The following ELF2 variants were observed in gnomAD, a reference collection of about 807,000 sequenced individuals.
The protein encoded by ELF2 is E74 like ETS transcription factor 2, also known as ETS-related transcription factor Elf-2.
A neutral mutation model predicts 54.8 loss-of-function variants in ELF2; 11 were observed. The ratio of observed to expected loss-of-function variants is 0.20; its 90% CI spans 0.13 to 0.33. ELF2 has a LOEUF of 0.33. ELF2 is among the 10% of genes least tolerant of loss of function. The pLI is 1.00. For synonymous variants in ELF2, 203 were observed against 245.1 expected (o/e 0.83, Z 1.61); for missense variants, 513 against 703.0 (o/e 0.73, Z 3.06).
rs559858763 is a variant in ELF2 at position 139,098,469 on chromosome 4, CTTTT to C, written c.239-24906_239-24903del. Among the ~76,000 whole-genome samples, 67 of 140,160 alleles carry C rather than the reference CTTTT, an allele frequency of 4.8e-4. No individual in the cohort carries two copies. The South Asian group carries it at 0.015, about 32-fold the overall frequency. 92.0% of individuals were successfully genotyped at this position (140,160 alleles called of 152,430 possible). A position where few individuals can be genotyped will look rare whatever the true frequency, so the allele number is the denominator to read the frequency against. ...TAAACAGATTTCTCTATTTTTAAAA[CTTTT>C]TTTTTTTTTTTTTGAGACAGAGCTT... On this transcript the variant is annotated intron_variant, in intron 4 of 9. Transcript: ENST00000686138.
At chr4:139,127,475 T>G (rs962911580) in intron 3 of ELF2, among the ~76,000 whole-genome samples, 2 of 152,150 alleles carry the variant, frequency 1.3e-5, no homozygotes, top group African/African-American at 2.4e-5. Context: ...TATTGCCCTT[T>G]CCTAACTCAA....
chr4:139,131,295 G>A (rs563387340), intron 3 of ELF2, among the ~76,000 whole-genome samples: 1 of 152,246 alleles, frequency 6.6e-6, no homozygotes, highest in African/African-American at 2.4e-5. Flanking sequence ...TATTTTATCT[G>A]GCAACCCTAC....
At chr4:139,077,699 T>G (rs1730508841) in intron 4 of ELF2, among the ~76,000 whole-genome samples, 2 of 152,138 alleles carry the variant, frequency 1.3e-5, no homozygotes, top group Admixed American at 1.3e-4. Context: ...TCAAATAAAA[T>G]TTAAACTATA....
chr4:139,083,872 C>T (rs1731548173), intron 4 of ELF2, among the ~76,000 whole-genome samples: 1 of 152,222 alleles, frequency 6.6e-6, no homozygotes, highest in Admixed American at 6.5e-5. Context: ...GCGCTCAGCC[C>T]GGCAGCTGCT....
At chr4:139,124,403 T>C (rs1435249849) in intron 4 of ELF2, among the ~76,000 whole-genome samples, 1 of 152,126 alleles carries the variant, frequency 6.6e-6, no homozygotes, top group African/African-American at 2.4e-5. Flanking sequence ...ATCATGAAAG[T>C]TTCCTACATT....
chr4:139,111,491 C>CT (rs759267275), intron 4 of ELF2, among the ~76,000 whole-genome samples: 3,275 of 136,270 alleles, frequency 0.024, 68 homozygotes, highest in South Asian at 0.038. Flanking sequence ...CCATACCAAC[C>CT]TTTTTTTTTT....
At chr4:139,095,916 C>T (rs111906179) in intron 4 of ELF2, among the ~76,000 whole-genome samples, 24,290 of 151,922 alleles carry the variant, frequency 0.16, 2,502 homozygotes, top group South Asian at 0.33. Context: ...CGGTGGCACA[C>T]GCCTGTAGAA....
chr4:139,173,615 G>A lies in ELF2; in HGVS notation c.-252+3352C>T, dbSNP rs895637530. On this transcript the variant is annotated intron_variant, in intron 1 of 9. Coordinates refer to ENST00000686138, the MANE Select transcript of ELF2 (RefSeq NM_001331036.3). ...CTACTAAAAATACAAAAAATTAGCC[G>A]GGCGTGGTGGCACGCGCCCGTAGTC... 7.7e-4 allele frequency among the ~76,000 whole-genome samples: 116 copies of A among 150,862 alleles called. 1 individual carries two copies. The highest frequency in any genetic ancestry group is 2.6e-3 in the African/African-American group (109 of 41,166).
intron 4 of ELF2, among the ~76,000 whole-genome samples, chr4:139,119,744 G>A (rs1007838875): frequency 6.6e-6 from 1 of 152,090 alleles, no homozygotes; most frequent in East Asian, 1.9e-4. Flanking sequence ...TTTGTGATGG[G>A]ATCTTGACTA....
At chr4:139,165,847 TTGATATGATATTAA>T (rs1741663932) in intron 1 of ELF2, among the ~76,000 whole-genome samples, 1 of 152,232 alleles carries the variant, frequency 6.6e-6, no homozygotes, top group South Asian at 2.1e-4. Flanking sequence ...GTTACATTTA[TTGATATGATATTAA>T]TATGAATATT....
At chr4:139,074,772 C>T (rs189449847) in intron 4 of ELF2, among the ~76,000 whole-genome samples, 149 of 145,244 alleles carry the variant, frequency 1.0e-3, no homozygotes, top group Admixed American at 2.8e-3. Flanking sequence ...AAAAAAAAAA[C>T]AAAAAGAAAA....
At chr4:139,121,091 A>C (rs1484244474) in intron 4 of ELF2, among the ~76,000 whole-genome samples, 2 of 139,848 alleles carry the variant, frequency 1.4e-5, no homozygotes, top group African/African-American at 2.7e-5. Context: ...TGAATATAAC[A>C]CAGATTTTTT....
At chr4:139,093,260 C>T (rs1732878648) in intron 4 of ELF2, among the ~76,000 whole-genome samples, 1 of 152,128 alleles carries the variant, frequency 6.6e-6, no homozygotes, top group African/African-American at 2.4e-5. Context: ...CCACCGCGCC[C>T]GGCCAGTAAA....
At chr4:139,092,428 T>TAAC (rs1213134926) in intron 4 of ELF2, among the ~76,000 whole-genome samples, 1 of 140,694 alleles carries the variant, frequency 7.1e-6, no homozygotes, top group African/African-American at 2.6e-5. Context: ...TAACATAACA[T>TAAC]AACATAACAT....
At chr4:139,141,523 G>C (rs1004186531) in intron 1 of ELF2, among the ~76,000 whole-genome samples, 2 of 152,206 alleles carry the variant, frequency 1.3e-5, no homozygotes, top group Admixed American at 6.5e-5. Flanking sequence ...GAAAGAATCA[G>C]AGAAGACAGT....
intron 4 of ELF2, among the ~76,000 whole-genome samples, chr4:139,079,394 T>C (rs533407470): frequency 2.6e-4 from 39 of 152,208 alleles, no homozygotes; most frequent in Non-Finnish European, 5.1e-4. Context: ...TGTACACTTT[T>C]GAAAGTGACA....
intron 1 of ELF2, chr4:139,155,086 T>C (rs1740394121): frequency 6.6e-6 from 1 of 152,166 alleles, no homozygotes; most frequent in Non-Finnish European, 1.5e-5. Flanking sequence ...TTGGTTCACA[T>C]GGTATAGGGG....
chr4:139,129,321 C>T (rs1601770), intron 3 of ELF2, among the ~76,000 whole-genome samples: 54,605 of 152,062 alleles, frequency 0.36, 10,732 homozygotes, highest in African/African-American at 0.53. Context: ...AGGTTCTATC[C>T]TCAGTGTCTC....
intron 4 of ELF2, among the ~76,000 whole-genome samples, chr4:139,113,347 G>A (rs192576800): frequency 2.6e-5 from 4 of 151,992 alleles, no homozygotes; most frequent in African/African-American, 7.3e-5. Flanking sequence ...GACAAAGAGA[G>A]ACCCTGTCTC....
Sources: allele counts gnomAD v4.1 joint callset (sites outside exome capture counted in the v4.1 genomes callset), GRCh38; gene constraint gnomAD v4.1.1; transcripts MANE v1.5; gene names NCBI Gene and HGNC (gene_info 2026-07-23, HGNC 2026-07-21).